The following PTPRU variants were observed in gnomAD, a reference collection of about 807,000 sequenced individuals.
The protein encoded by PTPRU is protein tyrosine phosphatase receptor type U, also known as receptor-type tyrosine-protein phosphatase U.
Under a neutral mutation model 166.3 loss-of-function variants are expected in PTPRU, and 69 were observed. The observed-to-expected ratio is 0.41, with a 90% confidence interval of 0.34 to 0.51. The LOEUF is 0.51. Ranked by LOEUF, PTPRU falls within the 20% of genes least tolerant of loss-of-function variation. PTPRU has a pLI of 0.09. For missense variants in PTPRU, 1,657 were observed against 2,013.7 expected, an observed-to-expected ratio of 0.82 and a Z score of 3.39; for synonymous variants, 793 against 814.0, an observed-to-expected ratio of 0.97 and a Z score of 0.44.
intron 15 of PTPRU, among the ~76,000 whole-genome samples, chr1:29,299,856 G>A (rs1687058090): frequency 1.3e-5 from 2 of 152,088 alleles, no homozygotes; most frequent in Non-Finnish European, 2.9e-5. Context: ...CTGGTGGTGC[G>A]TTACGGACAC....
intron 13 of PTPRU, 34 bp downstream of exon 13, chr1:29,284,010 G>T (rs60803058): frequency 1.2e-6 from 2 of 1,612,302 alleles, no homozygotes; most frequent in African/African-American, 1.3e-5. Flanking sequence ...CCTTTCAGCG[G>T]CAGGTTTCTC....
chr1:29,255,247 C>T (rs1370100098), intron 1 of PTPRU, 28 bp from the exon 2 acceptor site: 2 of 1,607,146 alleles, frequency 1.2e-6, no homozygotes, highest in East Asian at 4.5e-5. Flanking sequence ...CTGCCTTAGC[C>T]TGGGCTAACC....
At position 29,292,021 on chromosome 1, in the gene PTPRU, C is replaced by T; in HGVS notation, c.2471C>T (p.Thr824Ile). The T allele has an allele frequency of 6.2e-7, 1 of 1,614,026 alleles. No homozygotes were observed. The highest frequency in any genetic ancestry group is 8.5e-7 in the Non-Finnish European group (1 of 1,179,972). ...LSFMDTHGYS[T>I]RGDQRSGGVT... ...TTCATGGACACCCATGGCTACAGCACCCGGGGTGAGTGCCCGGCCCTCCTA... is the reference window on the plus strand; with the variant it reads ...TTCATGGACACCCATGGCTACAGCATCCGGGGTGAGTGCCCGGCCCTCCTA... The change falls in exon 15 of 30, where the codon ACC becomes ATC. Residue 824 changes from threonine (T) to isoleucine (I), a missense_variant. By Grantham distance (89) the Thr-to-Ile change is moderately conservative. Transcript: ENST00000373779.
chr1:29,301,852 C>A (rs534618992), intron 15 of PTPRU, among the ~76,000 whole-genome samples: 1 of 152,150 alleles, frequency 6.6e-6, no homozygotes, highest in Admixed American at 6.5e-5. Context: ...TCTGTCCTTG[C>A]AACAGTTTGC....
chr1:29,236,606 C>A lies in PTPRU; in HGVS notation c.-39C>A. ...GGCTCGGGCTCCGGGGGCGGCGTCC[C>A]CCGCGCCGGGCCCCGGGACGGGCGG... On this transcript the variant is annotated 5_prime_UTR_variant, in exon 1 of 30. Transcript: ENST00000373779. This position sits in a 1 kb window ranked among gnomAD's most constrained non-coding sequence, Gnocchi z 4.6. The A allele has an allele frequency of 1.6e-6, 2 of 1,216,900 alleles. No individual in the cohort carries two copies. Among genetic ancestry groups the A allele is most frequent in the South Asian group, 8.0e-5 (2 of 25,082 alleles). The allele number at this position is 1,216,900 out of a possible 1,614,324, so 75.4% of individuals were successfully genotyped here.
In PTPRU at chr1:29,260,142, T is replaced by TGGGGCCGGGGGGGGGGGCGGGGGGGGGG; in HGVS notation, c.850+106_850+107insGGGGGGGGGCGGGGGGGGGGGGGGCCGG. On this transcript the variant is annotated intron_variant, in intron 6 of 29. Coordinates refer to ENST00000373779, the MANE Select transcript of PTPRU (RefSeq NM_133178.4). This position sits in a 1 kb window ranked among gnomAD's most constrained non-coding sequence, Gnocchi z 8.3. ...TGCCCGGGGGCGTGGCCGTGGGGGG[T>TGGGGCCGGGGGGGGGGGCGGGGGGGGGG]GGGGCCGGCAGGGTGTCGCTGGGGC... The TGGGGCCGGGGGGGGGGGCGGGGGGGGGG allele has an allele frequency of 2.0e-6, 1 of 508,764 alleles. No homozygotes were observed. Among genetic ancestry groups the TGGGGCCGGGGGGGGGGGCGGGGGGGGGG allele is most frequent in the Non-Finnish European group, 2.7e-6 (1 of 376,746 alleles). 31.5% of individuals were successfully genotyped at this position (508,764 alleles called of 1,614,324 possible).
At chr1:29,306,972 C>A (rs187346908) in intron 18 of PTPRU, among the ~76,000 whole-genome samples, 41 of 140,720 alleles carry the variant, frequency 2.9e-4, no homozygotes, top group African/African-American at 9.8e-4. Context: ...ACTCCCCACT[C>A]TGTGGCTCAG....
chr1:29,264,276 T>C (rs1012384567), intron 7 of PTPRU, among the ~76,000 whole-genome samples: 4 of 152,234 alleles, frequency 2.6e-5, no homozygotes, highest in African/African-American at 9.6e-5. Context: ...ATTTTCTTTT[T>C]CTTGATAGTT....
At chr1:29,297,934 G>A (rs773719802) in intron 15 of PTPRU, among the ~76,000 whole-genome samples, 3 of 152,080 alleles carry the variant, frequency 2.0e-5, no homozygotes, top group African/African-American at 7.2e-5. Flanking sequence ...GGAGGAAGGG[G>A]CACTGAGCCT....
intron 3 of PTPRU, 139 bp downstream of exon 3, chr1:29,258,915 G>A: frequency 1.5e-6 from 2 of 1,318,730 alleles, no homozygotes; most frequent in Non-Finnish European, 2.0e-6. Context: ...GTCAAGGCCA[G>A]GGGTCAGTCT....
At chr1:29,284,128 T>C in intron 13 of PTPRU, 152 bp downstream of exon 13, 1 of 945,072 alleles carries the variant, frequency 1.1e-6, no homozygotes, top group South Asian at 1.5e-5. Context: ...TGGGTTTCCA[T>C]GTGCCCTACC....
intron 1 of PTPRU, among the ~76,000 whole-genome samples, chr1:29,241,201 A>G (rs1684040129): frequency 6.6e-6 from 1 of 152,086 alleles, no homozygotes; most frequent in Non-Finnish European, 1.5e-5. Context: ...CTATCCAAGT[A>G]TCACATTCCT....
chr1:29,280,246 A>G lies in PTPRU; in HGVS notation c.1868+105A>G. The G allele has an allele frequency of 8.8e-7, 1 of 1,131,732 alleles. No individual in the cohort carries two copies. The highest frequency in any genetic ancestry group is 1.3e-6 in the Non-Finnish European group (1 of 787,254). The allele number at this position is 1,131,732 out of a possible 1,614,324, so 70.1% of individuals were successfully genotyped here. A position where few individuals can be genotyped will look rare whatever the true frequency, so the allele number is the denominator to read the frequency against. On this transcript the variant is annotated intron_variant, in intron 11 of 29. Transcript: ENST00000373779. The surrounding 1 kb of genome is among the most constrained non-coding windows in gnomAD (Gnocchi z 4.2). ...GGCCAGCTCACCCTTTTCCTCCCTC[A>G]GTCTCCCACGCAGGGCTTGGAGTGT...
Position 29,282,694 on chromosome 1 carries a change from G to A in PTPRU, c.1887G>A (p.Val629=), listed in dbSNP as rs147204318. ...TGTCCAGTGTGTACCAGGTGATTGT[G>A]GAGGAGGAGCGGGCGCGGAGGCTGC... ...GAPISVYQVI[V]EEERARRLRR... Residue 629 remains valine (V), a synonymous_variant, in exon 12 of 30, where the codon GTG becomes GTA. Coordinates refer to ENST00000373779, the MANE Select transcript of PTPRU (RefSeq NM_133178.4). 1.9e-5 allele frequency: 30 copies of A among 1,612,734 alleles called. No individual in the cohort carries two copies. The highest frequency in any genetic ancestry group is 2.5e-5 in the Non-Finnish European group (29 of 1,179,892).
At chr1:29,310,827 C>T (rs778478707) in intron 19 of PTPRU, 47 bp downstream of exon 19, 41 of 1,589,538 alleles carry the variant, frequency 2.6e-5, no homozygotes, top group East Asian at 1.1e-4. Context: ...TGCCTCCCAG[C>T]GTGCTGGAAT....
Position 29,325,554 on chromosome 1 carries a change from GT to G in PTPRU, c.4249-43del, listed in dbSNP as rs769907526. The G allele has an allele frequency of 3.7e-5, 58 of 1,569,172 alleles. No individual in the cohort carries two copies. The African/African-American group carries it at 5.8e-4, about 16-fold the overall frequency. ...GTTCCCCTCCCCCCACAATACTGGA[GT>G]TGGGGTCAGGCTCATGATTCCCTCC... On this transcript the variant is annotated intron_variant, in intron 29 of 29. Coordinates refer to ENST00000373779, the MANE Select transcript of PTPRU (RefSeq NM_133178.4).
chr1:29,249,172 G>T (rs1029451291), intron 1 of PTPRU, among the ~76,000 whole-genome samples: 2 of 142,172 alleles, frequency 1.4e-5, no homozygotes, highest in African/African-American at 5.2e-5. Context: ...ACACACACAC[G>T]CACACCTGCA....
intron 7 of PTPRU, among the ~76,000 whole-genome samples, chr1:29,266,622 T>C (rs1685316417): frequency 6.6e-6 from 1 of 152,226 alleles, no homozygotes; most frequent in Non-Finnish European, 1.5e-5. Flanking sequence ...TCAGTCCCCC[T>C]GTTTTACAAC....
Position 29,291,786 on chromosome 1 carries a change from T to C in PTPRU, c.2319-83T>C. The C allele has an allele frequency of 6.8e-7, 1 of 1,466,846 alleles. No homozygotes were observed. Among genetic ancestry groups the C allele is most frequent in the Non-Finnish European group, 9.3e-7 (1 of 1,075,712 alleles). The allele number at this position is 1,466,846 out of a possible 1,614,324, so 90.9% of individuals were successfully genotyped here. A position where few individuals can be genotyped will look rare whatever the true frequency, so the allele number is the denominator to read the frequency against. ...GCTGGCTCCTGGCCTTGAGGTCCCC[T>C]TACTCCAGGGCCTCCCCAGCCACCT... On this transcript the variant is annotated intron_variant, in intron 14 of 29. Coordinates refer to ENST00000373779, the MANE Select transcript of PTPRU (RefSeq NM_133178.4). This position sits in a 1 kb window ranked among gnomAD's most constrained non-coding sequence, Gnocchi z 4.1.
Sources: allele counts gnomAD v4.1 joint callset (sites outside exome capture counted in the v4.1 genomes callset), GRCh38; gene constraint gnomAD v4.1.1; non-coding constraint Gnocchi (gnomAD v3.1); transcripts MANE v1.5; gene names NCBI Gene and HGNC (gene_info 2026-07-23, HGNC 2026-07-21).